The following GRM4 variants were observed in gnomAD, a reference collection of about 807,000 sequenced individuals.
GRM4 encodes glutamate metabotropic receptor 4, also known as metabotropic glutamate receptor 4.
A neutral mutation model predicts 81.7 loss-of-function variants in GRM4; 28 were observed. That is an observed-to-expected ratio of 0.34 (90% CI 0.25 to 0.47). The LOEUF is 0.47. Ranked by LOEUF, GRM4 falls within the 20% of genes least tolerant of loss-of-function variation. GRM4 has a pLI of 1.00. For synonymous variants in GRM4, 488 were observed against 528.8 expected (o/e 0.92, Z 1.06); for missense variants, 948 against 1,290.0 (o/e 0.73, Z 4.06).
At chr6:34,031,243 T>TA (rs1764401001) in intron 9 of GRM4, among the ~76,000 whole-genome samples, 1 of 152,166 alleles carries the variant, frequency 6.6e-6, no homozygotes, top group Admixed American at 6.5e-5. Flanking sequence ...AGCCCGCTGG[T>TA]GCCTGAACTC....
At chr6:34,085,101 G>A (rs576942296) in intron 3 of GRM4, among the ~76,000 whole-genome samples, 1 of 152,306 alleles carries the variant, frequency 6.6e-6, no homozygotes, top group South Asian at 2.1e-4. Context: ...CAGGGAACAG[G>A]GCTGGTCGTC....
upstream of GRM4, among the ~76,000 whole-genome samples, chr6:34,150,489 T>C (rs1315030108): frequency 3.3e-5 from 5 of 150,268 alleles, no homozygotes; most frequent in Admixed American, 2.0e-4. Context: ...ACCAAGTGGC[T>C]GGGGGGTGGG....
At chr6:34,112,525 G>T (rs960733720) in intron 2 of GRM4, among the ~76,000 whole-genome samples, 73 of 152,186 alleles carry the variant, frequency 4.8e-4, no homozygotes, top group African/African-American at 1.7e-3. Flanking sequence ...CAGCTGGGGG[G>T]ACTCACCAGT....
At chr6:34,147,751 A>G (rs889432100), upstream of GRM4, among the ~76,000 whole-genome samples, 3 of 152,158 alleles carry the variant, frequency 2.0e-5, no homozygotes, top group Non-Finnish European at 4.4e-5. Context: ...GAGGTACCAT[A>G]TGGGCTAGTG....
At chr6:34,075,484 T>C (rs943330897) in intron 3 of GRM4, among the ~76,000 whole-genome samples, 1 of 152,214 alleles carries the variant, frequency 6.6e-6, no homozygotes, top group African/African-American at 2.4e-5. Flanking sequence ...TCTCTGCCTC[T>C]TCCCCCATGA....
chr6:34,119,225 A>G (rs1262044635), intron 2 of GRM4, among the ~76,000 whole-genome samples: 1 of 152,140 alleles, frequency 6.6e-6, no homozygotes, highest in African/African-American at 2.4e-5. Flanking sequence ...GTGAAACCCC[A>G]TCTCTACTAA....
chr6:34,145,537 C>T (rs1770892578), intron 1 of GRM4, among the ~76,000 whole-genome samples: 2 of 152,174 alleles, frequency 1.3e-5, no homozygotes, highest in Non-Finnish European at 2.9e-5. Context: ...GCCGCAACAG[C>T]GGCAACAGCA....
At chr6:34,028,690 C>G (rs1330094680) in intron 9 of GRM4, among the ~76,000 whole-genome samples, 1 of 152,224 alleles carries the variant, frequency 6.6e-6, no homozygotes, top group African/African-American at 2.4e-5. Context: ...TGGAAAACAT[C>G]TGGCACATGG....
Position 34,132,966 on chromosome 6 carries a change from C to A in GRM4, c.519+12G>T. 1 of 1,578,098 alleles carries A rather than the reference C, an allele frequency of 6.3e-7. No homozygotes were observed. Among genetic ancestry groups the A allele is most frequent in the East Asian group, 2.2e-5 (1 of 44,480 alleles). On this transcript the variant is annotated intron_variant, in intron 2 of 10. Coordinates refer to ENST00000538487, the MANE Select transcript of GRM4 (RefSeq NM_000841.4). ...GGGAAGAGCACCTCAGGGGACCAAC[C>A]AAGGCACTGACCTTGAAGAGGCGAA...
rs1352980544 is a variant in GRM4, at chr6:34,044,449, T to C, written c.1169-3701A>G. On this transcript the variant is annotated intron_variant, in intron 6 of 10. Coordinates refer to ENST00000538487, the MANE Select transcript of GRM4 (RefSeq NM_000841.4). ...ACACACAGACATACATACATACACA[T>C]ATATAGACACACACACAGACATACA... Among the ~76,000 whole-genome samples the C allele has an allele frequency of 1.6e-5, 2 of 127,264 alleles. 1 individual carries two copies. Among genetic ancestry groups the C allele is most frequent in the Non-Finnish European group, 3.2e-5 (2 of 61,814 alleles). The allele number at this position is 127,264 out of a possible 152,430, so 83.5% of individuals were successfully genotyped here.
At chr6:34,155,491 C>G (rs1033774381) in exon 1 of GRM4, 1 of 742,358 alleles carries the variant, frequency 1.3e-6, no homozygotes, top group Non-Finnish European at 2.1e-6. Flanking sequence ...TAAAATTTCC[C>G]TGTGTCCAGG....
chr6:34,106,287 C>T (rs1308388167), intron 2 of GRM4, among the ~76,000 whole-genome samples: 1 of 151,788 alleles, frequency 6.6e-6, no homozygotes, highest in Non-Finnish European at 1.5e-5. Flanking sequence ...TGGTGGCCGG[C>T]GCCTGTAATC....
At chr6:34,040,480 A>G in intron 7 of GRM4, 68 bp downstream of exon 7, 1 of 1,479,764 alleles carries the variant, frequency 6.8e-7, no homozygotes, top group Non-Finnish European at 9.3e-7. Context: ...CACAGAGCCT[A>G]AGGGCCCCTC....
At chr6:34,045,354 A>G (rs1239891139) in intron 6 of GRM4, among the ~76,000 whole-genome samples, 2 of 152,148 alleles carry the variant, frequency 1.3e-5, no homozygotes, top group African/African-American at 4.8e-5. Context: ...GCCTTCCCAC[A>G]GCTCTGGGAG....
rs1321771002 is a variant in GRM4 at position 34,047,152 on chromosome 6, T to G, written c.1169-6404A>C. ...ACTGAGGGAGATGCAACACCATGTC[T>G]TGTGCACAGAAGTCCTCTCTCAGCC... is the stretch of plus-strand genomic sequence containing the variant. On this transcript the variant is annotated intron_variant, in intron 6 of 10. Coordinates refer to ENST00000538487, the MANE Select transcript of GRM4 (RefSeq NM_000841.4). The surrounding 1 kb of genome is among the most constrained non-coding windows in gnomAD (Gnocchi z 4.5). Among the ~76,000 whole-genome samples, 1 of 152,096 alleles carries G rather than the reference T, an allele frequency of 6.6e-6. No homozygotes were observed. The highest frequency in any genetic ancestry group is 6.5e-5 in the Admixed American group (1 of 15,282).
intron 2 of GRM4, chr6:34,110,613 A>G: frequency 1.2e-6 from 1 of 820,824 alleles, no homozygotes; most frequent in Non-Finnish European, 2.0e-6. Flanking sequence ...TCTCAGCCAC[A>G]GCAGCCCTGC....
chr6:34,026,188 T>A (rs1257338823), intron 10 of GRM4, among the ~76,000 whole-genome samples: 1 of 152,232 alleles, frequency 6.6e-6, no homozygotes, highest in Non-Finnish European at 1.5e-5. Flanking sequence ...ATATGTAGCC[T>A]GCCAGTGACA....
At chr6:34,145,431 G>A (rs1282681848) in intron 1 of GRM4, among the ~76,000 whole-genome samples, 2 of 152,222 alleles carry the variant, frequency 1.3e-5, no homozygotes, top group African/African-American at 4.8e-5. Context: ...GAGGCGGCAA[G>A]AGGAGCTGGG....
At position 34,091,912 on chromosome 6, in the gene GRM4, T is replaced by G. The variant is rs1768241809; in HGVS notation, c.707A>C (p.Glu236Ala). 5.6e-6 allele frequency: 9 copies of G among 1,613,820 alleles called. No individual in the cohort carries two copies. Among genetic ancestry groups the G allele is most frequent in the Non-Finnish European group, 5.9e-6 (7 of 1,179,830 alleles). ...CTCACGGGACTTCTGGATGAAGGCC[T>G]CCACACCGCTCTCACCATAGCTGCC... Reference protein sequence around the residue: ...SEGSYGESGVEAFIQKSREDG... With the variant: ...SEGSYGESGVAAFIQKSREDG... Residue 236 changes from glutamate (E) to alanine (A), a missense_variant, in exon 3 of 11, where the codon GAG becomes GCG. Coordinates refer to ENST00000538487, the MANE Select transcript of GRM4 (RefSeq NM_000841.4).
Sources: allele counts gnomAD v4.1 joint callset (sites outside exome capture counted in the v4.1 genomes callset), GRCh38; gene constraint gnomAD v4.1.1; non-coding constraint Gnocchi (gnomAD v3.1); transcripts MANE v1.5; gene names NCBI Gene and HGNC (gene_info 2026-07-23, HGNC 2026-07-21).